The following ZNF100 variants were observed in gnomAD, a reference collection of about 807,000 sequenced individuals.
ZNF100 encodes the protein zinc finger protein 100 (Y1).
A neutral mutation model predicts 15.8 loss-of-function variants in ZNF100; 12 were observed. The ratio of observed to expected loss-of-function variants is 0.76; its 90% CI spans 0.49 to 1.23. The LOEUF (loss-of-function observed/expected upper bound fraction) is 1.23. Among genes scored for constraint, ZNF100 ranks in the 50% most tolerant of loss-of-function variants. The pLI, the probability that ZNF100 is intolerant of heterozygous loss-of-function variation, is 0.00. For synonymous variants in ZNF100, 226 were observed against 214.8 expected (o/e 1.05, Z -0.45); for missense variants, 670 against 635.6 (o/e 1.05, Z -0.58).
At chr19:21,745,761 A>T (rs1247940333) in intron 2 of ZNF100, among the ~76,000 whole-genome samples, 1 of 152,040 alleles carries the variant, frequency 6.6e-6, no homozygotes, top group Non-Finnish European at 1.5e-5. Context: ...TGACCTCATG[A>T]TCCACCCGCC....
intron 4 of ZNF100, among the ~76,000 whole-genome samples, chr19:21,743,459 T>C (rs2036154912): frequency 6.6e-6 from 1 of 152,132 alleles, no homozygotes; most frequent in Admixed American, 6.6e-5. Context: ...AAACTTCAAA[T>C]AGCCAAAGCA....
At chr19:21,746,220 G>C (rs2036210478) in intron 2 of ZNF100, among the ~76,000 whole-genome samples, 1 of 152,130 alleles carries the variant, frequency 6.6e-6, no homozygotes, top group Non-Finnish European at 1.5e-5. Context: ...CCCTCCAAAA[G>C]TAAATTATAT....
At chr19:21,766,164 A>G (rs2036557741) in intron 1 of ZNF100, among the ~76,000 whole-genome samples, 1 of 152,188 alleles carries the variant, frequency 6.6e-6, no homozygotes. Context: ...CAAGTACACT[A>G]AAGGACAAAT....
intron 4 of ZNF100, among the ~76,000 whole-genome samples, chr19:21,729,349 G>A (rs188252240): frequency 6.8e-6 from 1 of 147,158 alleles, no homozygotes; most frequent in East Asian, 2.1e-4. Context: ...CATACAAAAT[G>A]TACTGAAAGC....
At chr19:21,759,449 CT>C (rs988895644) in intron 2 of ZNF100, among the ~76,000 whole-genome samples, 2 of 152,264 alleles carry the variant, frequency 1.3e-5, no homozygotes, top group East Asian at 3.9e-4. Context: ...GCTCTCTTTT[CT>C]TTTTTATCAC....
At chr19:21,739,857 C>T (rs1002682243) in intron 4 of ZNF100, among the ~76,000 whole-genome samples, 1 of 152,094 alleles carries the variant, frequency 6.6e-6, no homozygotes, top group Non-Finnish European at 1.5e-5. Flanking sequence ...AATTAAAACA[C>T]ATTCTTCAAC....
intron 4 of ZNF100, among the ~76,000 whole-genome samples, chr19:21,730,371 T>C (rs2035890852): frequency 6.6e-6 from 1 of 151,830 alleles, no homozygotes; most frequent in Non-Finnish European, 1.5e-5. Context: ...TTTTATAAAA[T>C]GTACTGCAAG....
At chr19:21,759,484 A>G (rs1162107586) in intron 2 of ZNF100, among the ~76,000 whole-genome samples, 1 of 152,200 alleles carries the variant, frequency 6.6e-6, no homozygotes, top group Non-Finnish European at 1.5e-5. Flanking sequence ...ATTGAACTAG[A>G]GCAACTCGAT....
intron 2 of ZNF100, among the ~76,000 whole-genome samples, chr19:21,759,840 G>T (rs937188983): frequency 2.6e-5 from 4 of 152,098 alleles, no homozygotes; most frequent in African/African-American, 9.7e-5. Context: ...CCATAAAAAT[G>T]GGCAACCAGC....
At chr19:21,735,066 A>G (rs1287924700) in intron 4 of ZNF100, among the ~76,000 whole-genome samples, 2 of 152,230 alleles carry the variant, frequency 1.3e-5, no homozygotes, top group East Asian at 1.9e-4. Flanking sequence ...AAATATGAAA[A>G]GAAGAAACCA....
At chr19:21,738,208 G>A (rs2036042371) in intron 4 of ZNF100, among the ~76,000 whole-genome samples, 1 of 123,888 alleles carries the variant, frequency 8.1e-6, no homozygotes, top group Admixed American at 9.9e-5. Flanking sequence ...CCGAGATGGT[G>A]CCACTGCAGT....
At chr19:21,755,391 ATCTCACACCAG>A (rs2036377620) in intron 2 of ZNF100, among the ~76,000 whole-genome samples, 1 of 152,158 alleles carries the variant, frequency 6.6e-6, no homozygotes, top group Admixed American at 6.5e-5. Context: ...AGTGAGATAC[ATCTCACACCAG>A]TCAGAATGGT....
At chr19:21,741,381 A>AT (rs1188155834) in intron 4 of ZNF100, among the ~76,000 whole-genome samples, 3 of 151,392 alleles carry the variant, frequency 2.0e-5, no homozygotes, top group Admixed American at 6.6e-5. Context: ...TATTATTATT[A>AT]TTATTTTTTT....
intron 2 of ZNF100, chr19:21,751,932 G>C: frequency 1.9e-6 from 1 of 527,008 alleles, no homozygotes; most frequent in South Asian, 3.5e-5. Flanking sequence ...GGAGAAATGA[G>C]GGGTTATAAT....
At position 21,751,202 on chromosome 19, in the gene ZNF100, A is replaced by G. The variant is rs1241847506; in HGVS notation, c.97-6135T>C. On this transcript the variant is annotated intron_variant, in intron 2 of 4. Coordinates refer to ENST00000358296, the MANE Select transcript of ZNF100 (RefSeq NM_173531.4). ...TCTCCAGGGCAGCTTACTAAAAAGT[A>G]TAGCTCATGCTCAACAATATTTCTA... 2.3e-6 allele frequency: 3 copies of G among 1,307,608 alleles called. No homozygotes were observed. The African/African-American group carries it at 4.4e-5, about 19-fold the overall frequency. The allele number at this position is 1,307,608 out of a possible 1,614,324, so 81.0% of individuals were successfully genotyped here. A position where few individuals can be genotyped will look rare whatever the true frequency, so the allele number is the denominator to read the frequency against.
intron 2 of ZNF100, among the ~76,000 whole-genome samples, chr19:21,761,361 T>C (rs1313432369): frequency 6.6e-6 from 1 of 152,246 alleles, no homozygotes; most frequent in Non-Finnish European, 1.5e-5. Context: ...ACTGTTTTCT[T>C]TTACAACAGG....
At chr19:21,737,729 G>GT (rs1296932503) in intron 4 of ZNF100, among the ~76,000 whole-genome samples, 1 of 145,404 alleles carries the variant, frequency 6.9e-6, no homozygotes, top group African/African-American at 2.9e-5. Flanking sequence ...AATTGAGACA[G>GT]TAATAAGTAG....
At chr19:21,762,654 G>A (rs1046113722) in intron 2 of ZNF100, among the ~76,000 whole-genome samples, 7 of 152,118 alleles carry the variant, frequency 4.6e-5, no homozygotes, top group Admixed American at 2.0e-4. Flanking sequence ...ACAGAAGATT[G>A]ATCTTCGTCC....
chr19:21,765,160 T>C (rs551282460), intron 2 of ZNF100, among the ~76,000 whole-genome samples: 149 of 152,354 alleles, frequency 9.8e-4, no homozygotes, highest in African/African-American at 3.5e-3. Context: ...TAAATATTTT[T>C]CTACCTTTCA....
Sources: gnomAD v4.1 joint callset for allele counts (sites outside exome capture counted in the v4.1 genomes callset) on GRCh38, gnomAD v4.1.1 for gene constraint, MANE v1.5 for transcripts, NCBI Gene and HGNC (gene_info 2026-07-23, HGNC 2026-07-21) for gene names.